CSMD1: variants seen among roughly 807,000 people sequenced by gnomAD.
CSMD1 encodes CUB and sushi domain-containing protein 1.
In CSMD1, 213 loss-of-function variants were observed where a neutral mutation model predicts 417.5. The ratio of observed to expected loss-of-function variants is 0.51; its 90% confidence interval spans 0.46 to 0.57. CSMD1 has a LOEUF of 0.57. Among genes scored for constraint, CSMD1 ranks in the 20% least tolerant of loss-of-function variants. The pLI is 0.00. For synonymous variants in CSMD1, 2,862 were observed against 1,736.8 expected (o/e 1.65, Z -16.11); for missense variants, 6,923 against 4,529.7 (o/e 1.53, Z -15.17).
chr8:3,160,719 A>T (rs140590953), intron 38 of CSMD1, among the ~76,000 whole-genome samples: 40 of 152,356 alleles, frequency 2.6e-4, no homozygotes, highest in African/African-American at 8.7e-4. Flanking sequence ...TAGTTTTCCT[A>T]TACTAAAGTG....
intron 1 of CSMD1, among the ~76,000 whole-genome samples, chr8:4,800,515 A>T (rs1380221819): frequency 6.6e-6 from 1 of 152,158 alleles, no homozygotes; most frequent in Non-Finnish European, 1.5e-5. Context: ...CAATGCTGAC[A>T]CAAGTATTCA....
At chr8:3,628,630 C>T (rs548370309) in intron 7 of CSMD1, among the ~76,000 whole-genome samples, 4 of 152,212 alleles carry the variant, frequency 2.6e-5, no homozygotes, top group Admixed American at 1.3e-4. Flanking sequence ...CAGAGGGAGG[C>T]AGCTCCCGCA....
chr8:4,221,446 G>T (rs1801026288), intron 3 of CSMD1, among the ~76,000 whole-genome samples: 1 of 151,696 alleles, frequency 6.6e-6, no homozygotes, highest in African/African-American at 2.4e-5. Context: ...ACAGACAACT[G>T]GAACTGACTT....
intron 48 of CSMD1, among the ~76,000 whole-genome samples, chr8:3,087,920 C>G (rs1402498835): frequency 6.6e-6 from 1 of 152,182 alleles, no homozygotes; most frequent in East Asian, 1.9e-4. Flanking sequence ...GTTGTTAAAA[C>G]AGAGAAAGTA....
intron 26 of CSMD1, among the ~76,000 whole-genome samples, chr8:3,261,988 C>G (rs7834065): frequency 6.6e-6 from 1 of 151,538 alleles, no homozygotes; most frequent in Non-Finnish European, 1.5e-5. Flanking sequence ...CAGGATGTTA[C>G]TCTTGGGGGA....
intron 42 of CSMD1, chr8:3,113,388 G>T (rs1022209449): frequency 6.6e-6 from 1 of 152,274 alleles, no homozygotes; most frequent in Non-Finnish European, 1.5e-5. Context: ...GTGGGAGAGA[G>T]CGTTGCTGGG....
chr8:3,430,332 G>C (rs1006015379), intron 12 of CSMD1, among the ~76,000 whole-genome samples: 1 of 152,034 alleles, frequency 6.6e-6, no homozygotes, highest in East Asian at 1.9e-4. Flanking sequence ...AAATCATTTT[G>C]TATGTGTTGT....
rs976039348 is a variant in CSMD1, at chr8:4,888,149, G to A, written c.85+106183C>T. On this transcript the variant is annotated intron_variant, in intron 1 of 69. Transcript: ENST00000635120. ...TAATCTAAATGCCATATATAAAAGA[G>A]TATATGAATAAATTGATACATTGGT... Among the ~76,000 whole-genome samples, 9 of 151,738 alleles carry A rather than the reference G, an allele frequency of 5.9e-5. No individual in the cohort carries two copies. In the East Asian group the frequency reaches 1.7e-3, roughly 29 times the overall value.
At chr8:4,024,733 G>A (rs1796973974) in intron 4 of CSMD1, among the ~76,000 whole-genome samples, 1 of 152,140 alleles carries the variant, frequency 6.6e-6, no homozygotes, top group African/African-American at 2.4e-5. Flanking sequence ...GCACATAGGA[G>A]CTACTGCAGG....
At chr8:3,363,271 A>G (rs73657829) in intron 20 of CSMD1, among the ~76,000 whole-genome samples, 1,724 of 152,300 alleles carry the variant, frequency 0.011, 28 homozygotes, top group African/African-American at 0.038. Context: ...TCATGACTCA[A>G]CCACAGAAGA....
chr8:3,752,676 CAAAAAA>C (rs200769696), intron 6 of CSMD1, among the ~76,000 whole-genome samples: 1 of 96,940 alleles, frequency 1.0e-5, no homozygotes, highest in Non-Finnish European at 1.9e-5. Context: ...CCCCGCCTGG[CAAAAAA>C]AAAAAAAAAA....
At chr8:3,481,024 C>G (rs1002924896) in intron 11 of CSMD1, among the ~76,000 whole-genome samples, 1 of 151,530 alleles carries the variant, frequency 6.6e-6, no homozygotes, top group African/African-American at 2.4e-5. Context: ...GGCGTGGTGG[C>G]AGGCACCTGT....
intron 5 of CSMD1, among the ~76,000 whole-genome samples, chr8:3,826,719 A>T (rs192029339): frequency 3.3e-5 from 5 of 152,192 alleles, no homozygotes; most frequent in African/African-American, 1.2e-4. Context: ...ATTTTCAAAG[A>T]AAGAGTTTGT....
chr8:3,235,196 G>C (rs1197286768), intron 26 of CSMD1, among the ~76,000 whole-genome samples: 1 of 152,132 alleles, frequency 6.6e-6, no homozygotes, highest in East Asian at 1.9e-4. Flanking sequence ...TTATATAATA[G>C]TACAAGAATT....
chr8:4,241,491 G>C (rs997045383), intron 3 of CSMD1, among the ~76,000 whole-genome samples: 1 of 152,140 alleles, frequency 6.6e-6, no homozygotes, highest in Non-Finnish European at 1.5e-5. Flanking sequence ...GTGAGGATGT[G>C]TCTTTGAATG....
At chr8:4,641,358 G>A (rs542958743) in intron 1 of CSMD1, among the ~76,000 whole-genome samples, 1 of 152,068 alleles carries the variant, frequency 6.6e-6, no homozygotes, top group Non-Finnish European at 1.5e-5. Context: ...AAGAATCAGA[G>A]AGTTAGTTTT....
chr8:4,799,332 A>ATGAC, intron 1 of CSMD1, among the ~76,000 whole-genome samples: 1 of 152,318 alleles, frequency 6.6e-6, no homozygotes, highest in East Asian at 1.9e-4. Context: ...AATCAAAGAC[A>ATGAC]TGACTGGTAA....
At chr8:3,237,654 A>ATAC (rs1799234549) in intron 26 of CSMD1, among the ~76,000 whole-genome samples, 1 of 109,050 alleles carries the variant, frequency 9.2e-6, no homozygotes, top group African/African-American at 2.9e-5. Context: ...AATTTTTTAA[A>ATAC]TTATACTATA....
intron 2 of CSMD1, among the ~76,000 whole-genome samples, chr8:4,451,968 A>G (rs938459799): frequency 6.7e-6 from 1 of 148,880 alleles, no homozygotes; most frequent in East Asian, 1.9e-4. Context: ...AAATATATAT[A>G]ATTTGATATA....
Sources: allele counts gnomAD v4.1 joint callset (sites outside exome capture counted in the v4.1 genomes callset), GRCh38; gene constraint gnomAD v4.1.1; transcripts MANE v1.5; gene names NCBI Gene and HGNC (gene_info 2026-07-23, HGNC 2026-07-21).